Variants in ST6GALNAC3 observed in about 807,000 individuals in gnomAD.
The protein encoded by ST6GALNAC3 is alpha-N-acetylgalactosaminide alpha-2,6-sialyltransferase 3.
Under a neutral mutation model 32.7 loss-of-function variants are expected in ST6GALNAC3, and 25 were observed. The ratio of observed to expected loss-of-function variants is 0.76; its 90% CI spans 0.56 to 1.07. ST6GALNAC3 has a LOEUF of 1.07. Among genes scored for constraint, ST6GALNAC3 ranks in the 50% least tolerant of loss-of-function variants. The pLI is 0.00. For synonymous variants in ST6GALNAC3, 129 were observed against 133.1 expected (o/e 0.97, Z 0.21); for missense variants, 355 against 382.4 (o/e 0.93, Z 0.60).
chr1:76,437,869 T>C (rs921551958), intron 3 of ST6GALNAC3, among the ~76,000 whole-genome samples: 4 of 151,898 alleles, frequency 2.6e-5, no homozygotes, highest in Non-Finnish European at 5.9e-5. Context: ...CCACCGTGCC[T>C]GGCCAAAATA....
rs562460060 is a variant in ST6GALNAC3 at position 76,253,808 on chromosome 1, A to G, written c.19-59997A>G. Among the ~76,000 whole-genome samples the G allele has an allele frequency of 3.3e-5, 5 of 152,244 alleles. No homozygotes were observed. The South Asian group carries it at 8.3e-4, about 25-fold the overall frequency. ...AGCATTCTGACTTTCTTAGTTTCCA[A>G]TATTCTAGCAGATGGCATGGGTAGT... On this transcript the variant is annotated intron_variant, in intron 1 of 4. Coordinates refer to ENST00000328299, the MANE Select transcript of ST6GALNAC3 (RefSeq NM_152996.4).
chr1:76,218,290 C>T (rs756666282), intron 1 of ST6GALNAC3, among the ~76,000 whole-genome samples: 3 of 152,238 alleles, frequency 2.0e-5, no homozygotes, highest in Non-Finnish European at 2.9e-5. Context: ...CCGGAGGCCA[C>T]CTTCAGGCAG....
intron 3 of ST6GALNAC3, among the ~76,000 whole-genome samples, chr1:76,491,756 G>A (rs1571403490): frequency 6.6e-6 from 1 of 152,308 alleles, no homozygotes; most frequent in East Asian, 1.9e-4. Flanking sequence ...TAGAAGTGAA[G>A]GGGCAAGCAC....
At chr1:76,184,577 A>G (rs1190430975) in intron 1 of ST6GALNAC3, among the ~76,000 whole-genome samples, 1 of 146,898 alleles carries the variant, frequency 6.8e-6, no homozygotes, top group African/African-American at 2.5e-5. Context: ...CATATGGGCA[A>G]TCCAGGGGAT....
intron 1 of ST6GALNAC3, among the ~76,000 whole-genome samples, chr1:76,181,084 G>A (rs1653149450): frequency 6.6e-6 from 1 of 152,198 alleles, no homozygotes; most frequent in Admixed American, 6.5e-5. Flanking sequence ...TGGGGCCAGA[G>A]CCCAGCATCC....
At chr1:76,263,593 T>A (rs1658367084) in intron 1 of ST6GALNAC3, among the ~76,000 whole-genome samples, 1 of 152,172 alleles carries the variant, frequency 6.6e-6, no homozygotes, top group Admixed American at 6.6e-5. Flanking sequence ...CCTGGGAAAG[T>A]GACAAAATAT....
intron 2 of ST6GALNAC3, among the ~76,000 whole-genome samples, chr1:76,375,128 A>G (rs1651121100): frequency 6.6e-6 from 1 of 152,186 alleles, no homozygotes; most frequent in Non-Finnish European, 1.5e-5. Context: ...GTCAAAATGT[A>G]AGTGCCTGCA....
chr1:76,207,189 C>T (rs766323208), intron 1 of ST6GALNAC3, among the ~76,000 whole-genome samples: 4 of 152,182 alleles, frequency 2.6e-5, no homozygotes, highest in Admixed American at 1.3e-4. Flanking sequence ...CCCCATTTTA[C>T]AAATTGGAGC....
chr1:76,440,966 T>TA (rs1656538765), intron 3 of ST6GALNAC3, among the ~76,000 whole-genome samples: 1 of 151,692 alleles, frequency 6.6e-6, no homozygotes. Flanking sequence ...GGTGTGCCTG[T>TA]AGTCCCAACC....
At chr1:76,164,530 C>T (rs1379062877) in intron 1 of ST6GALNAC3, among the ~76,000 whole-genome samples, 7 of 152,130 alleles carry the variant, frequency 4.6e-5, no homozygotes, top group African/African-American at 7.2e-5. Context: ...CCTTTAAGGG[C>T]ATGTATGTTT....
At chr1:76,533,413 C>T (rs573580020) in intron 3 of ST6GALNAC3, among the ~76,000 whole-genome samples, 1 of 152,226 alleles carries the variant, frequency 6.6e-6, no homozygotes, top group South Asian at 2.1e-4. Context: ...GATACTTTGC[C>T]TTTTGGGTCC....
intron 3 of ST6GALNAC3, among the ~76,000 whole-genome samples, chr1:76,592,354 G>A (rs1379440405): frequency 1.3e-5 from 2 of 152,110 alleles, no homozygotes; most frequent in Admixed American, 6.5e-5. Context: ...AAAGAGACGG[G>A]GTGATGAAGA....
intron 1 of ST6GALNAC3, among the ~76,000 whole-genome samples, chr1:76,282,628 T>G (rs1202180512): frequency 6.6e-6 from 1 of 152,186 alleles, no homozygotes; most frequent in African/African-American, 2.4e-5. Flanking sequence ...TTGTGATTTT[T>G]CTTAAATTAG....
chr1:76,257,608 G>T (rs1256227340), intron 1 of ST6GALNAC3, among the ~76,000 whole-genome samples: 1 of 152,078 alleles, frequency 6.6e-6, no homozygotes, highest in Non-Finnish European at 1.5e-5. Flanking sequence ...TTATTACTGT[G>T]TGTATCCCAG....
chr1:76,274,373 G>A (rs1659022020), intron 1 of ST6GALNAC3, among the ~76,000 whole-genome samples: 1 of 152,248 alleles, frequency 6.6e-6, no homozygotes, highest in Middle Eastern at 3.4e-3. Context: ...TATTTTAACA[G>A]CATGGTGGCT....
intron 2 of ST6GALNAC3, among the ~76,000 whole-genome samples, chr1:76,352,401 G>C (rs961063542): frequency 6.6e-6 from 1 of 150,442 alleles, no homozygotes; most frequent in African/African-American, 2.4e-5. Context: ...TGGGCTCATA[G>C]GATTAAATGA....
chr1:76,217,006 A>G (rs1655503304), intron 1 of ST6GALNAC3, among the ~76,000 whole-genome samples: 1 of 152,228 alleles, frequency 6.6e-6, no homozygotes, highest in Admixed American at 6.5e-5. Flanking sequence ...AAAATCTTCA[A>G]ATTGTACTAA....
intron 1 of ST6GALNAC3, among the ~76,000 whole-genome samples, chr1:76,150,756 C>T (rs566518633): frequency 6.6e-6 from 1 of 152,292 alleles, no homozygotes; most frequent in East Asian, 1.9e-4. Context: ...ACAATTACAG[C>T]ACAGCACCTC....
At chr1:76,598,886 C>CA (rs1043670442) in intron 3 of ST6GALNAC3, among the ~76,000 whole-genome samples, 4 of 152,102 alleles carry the variant, frequency 2.6e-5, no homozygotes, top group African/African-American at 9.7e-5. Flanking sequence ...AAATTTCTGA[C>CA]AAAAATATGT....
Sources: gnomAD v4.1 joint callset for allele counts (sites outside exome capture counted in the v4.1 genomes callset) on GRCh38, gnomAD v4.1.1 for gene constraint, MANE v1.5 for transcripts, NCBI Gene and HGNC (gene_info 2026-07-23, HGNC 2026-07-21) for gene names.